The following CTNNA2 variants were observed in gnomAD, a reference collection of about 807,000 sequenced individuals.
The protein encoded by CTNNA2 is catenin alpha 2.
CTNNA2 carries 42 observed loss-of-function variants against 101.0 expected under a neutral mutation model. The observed-to-expected ratio is 0.42, with a 90% CI of 0.32 to 0.54. The LOEUF (loss-of-function observed/expected upper bound fraction) is 0.54. Ranked by LOEUF, CTNNA2 falls within the 20% of genes least tolerant of loss-of-function variation. The pLI, the probability that CTNNA2 is intolerant of heterozygous loss-of-function variation, is 0.14. For synonymous variants in CTNNA2, 450 were observed against 456.4 expected (o/e 0.99, Z 0.18); for missense variants, 871 against 1,223.1 (o/e 0.71, Z 4.29).
At chr2:80,152,290 C>G (rs1703752172) in intron 7 of CTNNA2, among the ~76,000 whole-genome samples, 1 of 151,724 alleles carries the variant, frequency 6.6e-6, no homozygotes, top group African/African-American at 2.4e-5. Flanking sequence ...TGTGGCAGAT[C>G]CCGGAGAAGA....
chr2:79,353,284 G>A (rs902721349), intron 3 of CTNNA2, among the ~76,000 whole-genome samples: 9 of 152,180 alleles, frequency 5.9e-5, no homozygotes, highest in African/African-American at 2.2e-4. Flanking sequence ...TAATTTCCAT[G>A]TGATGGTATG....
rs151222136 is a variant in CTNNA2 at position 79,775,167 on chromosome 2, A to C, written c.298+30585A>C. Among the ~76,000 whole-genome samples, 601 of 152,336 alleles carry C rather than the reference A, an allele frequency of 3.9e-3. 4 individuals are homozygous for C. Among genetic ancestry groups the C allele is most frequent in the African/African-American group, 0.013 (558 of 41,572 alleles). On this transcript the variant is annotated intron_variant, in intron 3 of 18. Coordinates refer to ENST00000402739, the MANE Select transcript of CTNNA2 (RefSeq NM_001282597.3). Reference sequence around the variant, plus strand: ...AAGGCATGAATGACAGTTGGAAAACAGTTCTGGAAGAAGCAACAAAAGCCC... The same window carrying C: ...AAGGCATGAATGACAGTTGGAAAACCGTTCTGGAAGAAGCAACAAAAGCCC...
chr2:79,661,165 A>G (rs1682009719), intron 2 of CTNNA2, among the ~76,000 whole-genome samples: 1 of 152,134 alleles, frequency 6.6e-6, no homozygotes, highest in Non-Finnish European at 1.5e-5. Context: ...TTAGTGCACC[A>G]TGGTATCATT....
chr2:80,584,433 GC>G (rs1182293581), intron 14 of CTNNA2, among the ~76,000 whole-genome samples: 24 of 148,680 alleles, frequency 1.6e-4, no homozygotes, highest in Non-Finnish European at 2.8e-4. Context: ...GAGATAGGGG[GC>G]GGGGGGCGGT....
intron 7 of CTNNA2, among the ~76,000 whole-genome samples, chr2:79,982,261 C>A (rs1691371061): frequency 1.4e-4 from 12 of 88,388 alleles, no homozygotes; most frequent in African/African-American, 5.1e-4. Flanking sequence ...TGTACACACA[C>A]ACATAACATA....
intron 8 of CTNNA2, among the ~76,000 whole-genome samples, chr2:80,396,925 C>T (rs1226175101): frequency 6.6e-6 from 1 of 152,146 alleles, no homozygotes. Flanking sequence ...ACAATCAAAA[C>T]ATTTTTAACA....
chr2:79,965,940 A>G (rs1690026198), intron 7 of CTNNA2, among the ~76,000 whole-genome samples: 1 of 152,060 alleles, frequency 6.6e-6, no homozygotes, highest in Non-Finnish European at 1.5e-5. Flanking sequence ...GGTATCTTGA[A>G]ACATCTAAAA....
chr2:79,663,252 TACTC>T (rs540165268), intron 2 of CTNNA2, among the ~76,000 whole-genome samples: 2 of 152,208 alleles, frequency 1.3e-5, no homozygotes, highest in Non-Finnish European at 2.9e-5. Flanking sequence ...ATCCCATTCT[TACTC>T]ACTACCTATA....
chr2:79,328,812 G>T (rs1676805825), intron 3 of CTNNA2, among the ~76,000 whole-genome samples: 1 of 152,140 alleles, frequency 6.6e-6, no homozygotes, highest in Admixed American at 6.5e-5. Flanking sequence ...CACAGTTCTG[G>T]TGACTGGAAG....
At chr2:80,559,040 C>T (rs1481575683) in intron 12 of CTNNA2, among the ~76,000 whole-genome samples, 6 of 152,102 alleles carry the variant, frequency 3.9e-5, no homozygotes, top group African/African-American at 1.4e-4. Context: ...TTTGTAGCAT[C>T]TCTTTCTTCT....
chr2:79,397,807 GCCA>G, intron 4 of CTNNA2, among the ~76,000 whole-genome samples: 1 of 152,110 alleles, frequency 6.6e-6, no homozygotes, highest in Non-Finnish European at 1.5e-5. Flanking sequence ...GACAACAAGT[GCCA>G]CCAAGTCTGT....
chr2:80,462,024 T>G (rs1474025358), intron 9 of CTNNA2, among the ~76,000 whole-genome samples: 1 of 152,226 alleles, frequency 6.6e-6, no homozygotes, highest in African/African-American at 2.4e-5. Flanking sequence ...TTTTCATTGT[T>G]ATTTAAAAGT....
intron 3 of CTNNA2, among the ~76,000 whole-genome samples, chr2:79,826,979 A>T (rs1468791807): frequency 1.3e-5 from 2 of 152,140 alleles, no homozygotes; most frequent in African/African-American, 4.8e-5. Context: ...TCCACATGGC[A>T]TTTTTCAAGG....
At chr2:79,591,497 G>A (rs1170501222) in intron 1 of CTNNA2, among the ~76,000 whole-genome samples, 2 of 152,114 alleles carry the variant, frequency 1.3e-5, no homozygotes, top group Non-Finnish European at 2.9e-5. Context: ...TCTGTCATAA[G>A]ATTCATGTTT....
chr2:79,766,616 C>T (rs1244446245), intron 3 of CTNNA2, among the ~76,000 whole-genome samples: 13 of 152,164 alleles, frequency 8.5e-5, no homozygotes, highest in Admixed American at 8.5e-4. Context: ...AATAAACTTT[C>T]TACCTCTATC....
At chr2:79,592,692 A>T (rs965864496) in intron 1 of CTNNA2, among the ~76,000 whole-genome samples, 1 of 152,176 alleles carries the variant, frequency 6.6e-6, no homozygotes, top group Non-Finnish European at 1.5e-5. Flanking sequence ...ATCCAGTGAA[A>T]AAAGTTTATA....
chr2:79,910,145 T>A (rs911079415), intron 7 of CTNNA2, among the ~76,000 whole-genome samples: 10 of 152,174 alleles, frequency 6.6e-5, no homozygotes, highest in Non-Finnish European at 1.5e-5. Flanking sequence ...ATATAGTAAG[T>A]CCTCTGTTAC....
intron 7 of CTNNA2, among the ~76,000 whole-genome samples, chr2:79,996,429 A>G (rs1224767465): frequency 6.6e-6 from 1 of 152,218 alleles, no homozygotes; most frequent in Non-Finnish European, 1.5e-5. Flanking sequence ...GAAGTTTATT[A>G]TACCTGCCTG....
intron 4 of CTNNA2, among the ~76,000 whole-genome samples, chr2:79,376,348 G>C (rs1170557719): frequency 6.6e-6 from 1 of 151,964 alleles, no homozygotes; most frequent in Non-Finnish European, 1.5e-5. Context: ...GCCCCATGTG[G>C]TTTCTGATCC....
Sources: allele counts gnomAD v4.1 joint callset (sites outside exome capture counted in the v4.1 genomes callset), GRCh38; gene constraint gnomAD v4.1.1; transcripts MANE v1.5; gene names NCBI Gene and HGNC (gene_info 2026-07-23, HGNC 2026-07-21).